The following PCDHGB7 variants were observed in gnomAD, a reference collection of about 807,000 sequenced individuals.
The protein encoded by PCDHGB7 is protocadherin gamma-B7.
In PCDHGB7, 37 loss-of-function variants were observed where a neutral mutation model predicts 61.4. The observed-to-expected ratio is 0.60, with a 90% confidence interval of 0.46 to 0.79. The LOEUF is 0.79. PCDHGB7 is among the 30% of genes least tolerant of loss of function. PCDHGB7 has a pLI of 0.00. For synonymous variants in PCDHGB7, 464 were observed against 503.5 expected, an observed-to-expected ratio of 0.92 and a Z score of 1.05; for missense variants, 1,166 against 1,202.5, an observed-to-expected ratio of 0.97 and a Z score of 0.45.
rs1303066281 is a variant in PCDHGB7, at chr5:141,511,199, G to A, written c.*26G>A. The A allele has an allele frequency of 1.2e-6, 2 of 1,612,750 alleles. No homozygotes were observed. The highest frequency in any genetic ancestry group is 1.3e-5 in the African/African-American group (1 of 74,896). On this transcript the variant is annotated 3_prime_UTR_variant, in exon 4 of 4. Transcript: ENST00000398594. The stretch of plus-strand genomic sequence containing the variant: ...CATGGAGGCCAGGCCAAGAGCCACA[G>A]GGCGGCCTCTCCCCAACCAGCCCAG...
chr5:141,473,377 C>T (rs2099320819), intron 1 of PCDHGB7, among the ~76,000 whole-genome samples: 1 of 152,202 alleles, frequency 6.6e-6, no homozygotes, highest in Admixed American at 6.5e-5. Flanking sequence ...TAGCATGGTC[C>T]CTGCCCTCCT....
At chr5:141,488,762 C>T (rs1470160100) in intron 1 of PCDHGB7, among the ~76,000 whole-genome samples, 1 of 152,142 alleles carries the variant, frequency 6.6e-6, no homozygotes, top group Non-Finnish European at 1.5e-5. Context: ...TGGGACAGAA[C>T]GCTGAGGAGT....
intron 3 of PCDHGB7, among the ~76,000 whole-genome samples, chr5:141,507,802 T>G (rs886950696): frequency 6.6e-6 from 1 of 152,204 alleles, no homozygotes; most frequent in African/African-American, 2.4e-5. Context: ...GCCTGCGCCC[T>G]GGGGAACGGA....
intron 2 of PCDHGB7, among the ~76,000 whole-genome samples, chr5:141,500,421 G>A (rs1247202322): frequency 6.6e-6 from 1 of 151,852 alleles, no homozygotes; most frequent in Non-Finnish European, 1.5e-5. Flanking sequence ...GTGTTAGCCA[G>A]GATGGTCTCG....
chr5:141,446,528 G>A (rs2098505974), intron 1 of PCDHGB7, among the ~76,000 whole-genome samples: 1 of 151,952 alleles, frequency 6.6e-6, no homozygotes, highest in South Asian at 2.1e-4. Flanking sequence ...CCAGGCTGGA[G>A]TGCAGTGGCC....
chr5:141,421,235 A>G (rs1375447356), intron 1 of PCDHGB7: 3 of 1,594,470 alleles, frequency 1.9e-6, no homozygotes, highest in East Asian at 2.2e-5. Context: ...GCCATGGCGA[A>G]TCGGCTACAG....
Position 141,464,802 on chromosome 5 carries a change from A to G in PCDHGB7, c.2416-30005A>G, listed in dbSNP as rs545738780. ...TGCCCAGGCCAAATTGCAGTGATGC[A>G]GTCATAGCTCACTGTAGCCTCGCAC... On this transcript the variant is annotated intron_variant, in intron 1 of 3. Transcript: ENST00000398594. Among the ~76,000 whole-genome samples, 25 of 152,032 alleles carry G rather than the reference A, an allele frequency of 1.6e-4. No homozygotes were observed. In the East Asian group the frequency reaches 4.8e-3, roughly 29 times the overall value.
chr5:141,428,204 C>G, intron 1 of PCDHGB7: 2 of 1,324,722 alleles, frequency 1.5e-6, no homozygotes, highest in Non-Finnish European at 1.1e-6. Context: ...TGCGCCGCTA[C>G]GCTTCACCTA....
rs999461892 is a variant in PCDHGB7 at position 141,419,540 on chromosome 5, C to A, written c.1681C>A (p.Arg561=). 4 of 1,612,018 alleles carry A rather than the reference C, an allele frequency of 2.5e-6. No homozygotes were observed. Residue 561 remains arginine, a synonymous_variant, in exon 1 of 4, where the codon CGG becomes AGG. Transcript: ENST00000398594. ...LVGDRNDNAP[R]VLYPALGPDG... ...GGGCGACCGTAACGACAACGCACCG[C>A]GGGTGCTGTACCCTGCGCTGGGTCC...
chr5:141,494,906 A>T, intron 2 of PCDHGB7, 41 bp downstream of exon 2: 1 of 1,613,800 alleles, frequency 6.2e-7, no homozygotes, highest in Non-Finnish European at 8.5e-7. Flanking sequence ...TCTCTGCGGC[A>T]TTTTCTCAGG....
At position 141,489,646 on chromosome 5, in the gene PCDHGB7, C is replaced by A. The variant is rs1274955075; in HGVS notation, c.2416-5161C>A. 1.2e-6 allele frequency: 2 copies of A among 1,614,186 alleles called. No homozygotes were observed. The highest frequency in any genetic ancestry group is 2.7e-5 in the African/African-American group (2 of 75,048). On this transcript the variant is annotated intron_variant, in intron 1 of 3. Coordinates refer to ENST00000398594, the MANE Select transcript of PCDHGB7 (RefSeq NM_018927.4). This position sits in a 1 kb window ranked among gnomAD's most constrained non-coding sequence, Gnocchi z 4.5. Reference sequence around the variant, plus strand: ...TGACAACTCTCCTAGCTTTGCCACCCCTGAGCGAGAGATGCGCATCTCAGA... The same window carrying A: ...TGACAACTCTCCTAGCTTTGCCACCACTGAGCGAGAGATGCGCATCTCAGA...
intron 1 of PCDHGB7, among the ~76,000 whole-genome samples, chr5:141,458,726 C>T (rs1301761231): frequency 1.3e-5 from 2 of 151,992 alleles, no homozygotes; most frequent in African/African-American, 4.8e-5. Flanking sequence ...TTCGCCACCA[C>T]ATCCAGCTAT....
chr5:141,426,310 A>G, intron 1 of PCDHGB7: 1 of 173,588 alleles, frequency 5.8e-6, no homozygotes. Context: ...GAAGCAGAGA[A>G]GCAGGACCCG....
intron 1 of PCDHGB7, chr5:141,427,607 T>C (rs1157037825): frequency 1.5e-6 from 1 of 688,594 alleles, no homozygotes; most frequent in Non-Finnish European, 2.7e-6. Context: ...TACGCATTGG[T>C]GAAGTCAACG....
intron 1 of PCDHGB7, chr5:141,421,800 G>A: frequency 6.2e-7 from 1 of 1,613,846 alleles, no homozygotes; most frequent in Non-Finnish European, 8.5e-7. Context: ...ATGGGGCCAA[G>A]AATCCAGAGC....
In PCDHGB7 at chr5:141,472,878, C is replaced by T. The variant is rs774209715; in HGVS notation, c.2416-21929C>T. ...GCACATGCCTGTATTCCCAGCTACT[C>T]GGGAGGCTGAGGCAGGAGAATTGCT... On this transcript the variant is annotated intron_variant, in intron 1 of 3. Transcript: ENST00000398594. 6.8e-5 allele frequency among the ~76,000 whole-genome samples: 10 copies of T among 146,132 alleles called. 1 individual carries two copies. The highest frequency in any genetic ancestry group is 4.2e-4 in the East Asian group (2 of 4,758).
chr5:141,499,089 A>G (rs1417307590), intron 2 of PCDHGB7, among the ~76,000 whole-genome samples: 2 of 152,116 alleles, frequency 1.3e-5, no homozygotes, highest in Non-Finnish European at 1.5e-5. Context: ...CCTGCTTGGC[A>G]CATGCTTCTC....
intron 1 of PCDHGB7, among the ~76,000 whole-genome samples, chr5:141,469,304 C>T (rs890230691): frequency 2.0e-5 from 3 of 151,892 alleles, no homozygotes; most frequent in East Asian, 1.9e-4. Flanking sequence ...AGACTGGGCA[C>T]GATGGCTCAC....
At chr5:141,456,504 T>G (rs781368588) in intron 1 of PCDHGB7, among the ~76,000 whole-genome samples, 1 of 152,148 alleles carries the variant, frequency 6.6e-6, no homozygotes, top group Non-Finnish European at 1.5e-5. Context: ...GGTTAACCAA[T>G]TCCATAAAGA....
Sources: gnomAD v4.1 joint callset for allele counts (sites outside exome capture counted in the v4.1 genomes callset) on GRCh38, gnomAD v4.1.1 for gene constraint, Gnocchi (gnomAD v3.1) non-coding constraint, MANE v1.5 for transcripts, NCBI Gene and HGNC (gene_info 2026-07-23, HGNC 2026-07-21) for gene names.